NUP93: variants seen among roughly 807,000 people sequenced by gnomAD.
The protein encoded by NUP93 is nucleoporin 93.
A neutral mutation model predicts 107.8 loss-of-function variants in NUP93; 55 were observed. The ratio of observed to expected loss-of-function variants is 0.51; its 90% CI spans 0.41 to 0.64. The LOEUF (loss-of-function observed/expected upper bound fraction) is 0.64, where lower values mean the gene tolerates loss of function less well. Among genes scored for constraint, NUP93 ranks in the 30% least tolerant of loss-of-function variants. NUP93 has a pLI of 0.00. For missense variants in NUP93, 937 were observed against 1,044.7 expected, an observed-to-expected ratio of 0.90 and a Z score of 1.42; for synonymous variants, 390 against 397.5, an observed-to-expected ratio of 0.98 and a Z score of 0.22.
chr16:56,823,922 C>T, intron 8 of NUP93, 76 bp downstream of exon 8: 1 of 1,552,578 alleles, frequency 6.4e-7, no homozygotes, highest in Non-Finnish European at 8.8e-7. Flanking sequence ...TTAAGTTGTC[C>T]TCAGGCTAGG....
rs377578700 is a variant in NUP93 at position 56,838,621 on chromosome 16, A to C, written c.2019-331A>C. 3.9e-5 allele frequency among the ~76,000 whole-genome samples: 6 copies of C among 152,312 alleles called. No homozygotes were observed. The East Asian group carries it at 7.7e-4, about 20-fold the overall frequency. On this transcript the variant is annotated intron_variant, in intron 18 of 21. Transcript: ENST00000308159. ...TATCACCCAGGCTGGAGTGGAGTGC[A>C]GTAGTGCAGTCATAGCTCACTGTAA...
intron 1 of NUP93, among the ~76,000 whole-genome samples, chr16:56,746,667 C>T (rs1404048366): frequency 1.3e-5 from 2 of 152,218 alleles, no homozygotes; most frequent in Non-Finnish European, 2.9e-5. Context: ...GTCCTTTTGA[C>T]AATTAACCTG....
intron 4 of NUP93, 57 bp downstream of exon 4, chr16:56,798,595 T>C: frequency 7.2e-7 from 1 of 1,395,026 alleles, no homozygotes; most frequent in African/African-American, 1.4e-5. Flanking sequence ...GGGCTGGGCG[T>C]GGTGGCTCAC....
At chr16:56,774,622 T>C (rs565811811) in intron 3 of NUP93, among the ~76,000 whole-genome samples, 1 of 152,350 alleles carries the variant, frequency 6.6e-6, no homozygotes, top group Admixed American at 6.5e-5. Flanking sequence ...GTTTTAGAAA[T>C]CATTTGAAAT....
chr16:56,771,802 G>A (rs1456242330), intron 3 of NUP93, among the ~76,000 whole-genome samples: 1 of 152,182 alleles, frequency 6.6e-6, no homozygotes, highest in African/African-American at 2.4e-5. Flanking sequence ...TTGGTGCTGA[G>A]TTTATGCTGT....
chr16:56,749,425 A>G (rs1961879254), intron 2 of NUP93, among the ~76,000 whole-genome samples: 1 of 152,212 alleles, frequency 6.6e-6, no homozygotes. Context: ...GGTTGACTCC[A>G]GAGTGCATAC....
rs879303241 is a variant in NUP93 at position 56,836,293 on chromosome 16, T to C, written c.1783-308T>C. On this transcript the variant is annotated intron_variant, in intron 16 of 21. Coordinates refer to ENST00000308159, the MANE Select transcript of NUP93 (RefSeq NM_014669.5). Reference sequence around the variant, plus strand: ...TTCCTACTTATCAGCAAATTTAAAATCATTGATTTCACTGACTCTCTGGGT... The same window carrying C: ...TTCCTACTTATCAGCAAATTTAAAACCATTGATTTCACTGACTCTCTGGGT... Among the ~76,000 whole-genome samples the C allele has an allele frequency of 5.9e-5, 9 of 152,282 alleles. No homozygotes were observed. The South Asian group carries it at 1.4e-3, about 25-fold the overall frequency.
intron 4 of NUP93, among the ~76,000 whole-genome samples, chr16:56,800,402 T>TA (rs1299487620): frequency 1.3e-5 from 2 of 152,208 alleles, no homozygotes; most frequent in African/African-American, 4.8e-5. Context: ...CAAGCTTTAT[T>TA]AATCCATTTA....
chr16:56,790,027 G>A (rs1282034047), intron 3 of NUP93, among the ~76,000 whole-genome samples: 2 of 152,268 alleles, frequency 1.3e-5, no homozygotes, highest in South Asian at 2.1e-4. Flanking sequence ...AACCTGGGAG[G>A]CAGAGGTTGC....
intron 5 of NUP93, among the ~76,000 whole-genome samples, chr16:56,812,107 TAAG>T (rs1488513337): frequency 5.9e-5 from 9 of 152,168 alleles, no homozygotes; most frequent in African/African-American, 2.2e-4. Flanking sequence ...CAGAGTCAGT[TAAG>T]AAGACAGCTT....
intron 2 of NUP93, among the ~76,000 whole-genome samples, chr16:56,749,259 A>G (rs1337345561): frequency 6.6e-6 from 1 of 152,248 alleles, no homozygotes; most frequent in Non-Finnish European, 1.5e-5. Flanking sequence ...TGTGTGTTAC[A>G]AGCTTGGCTA....
chr16:56,781,879 T>G (rs1596794787), intron 3 of NUP93: 1 of 985,366 alleles, frequency 1.0e-6, no homozygotes, highest in East Asian at 1.1e-4. Flanking sequence ...TTCTCTGAAT[T>G]TGTGTAGCGC....
intron 6 of NUP93, among the ~76,000 whole-genome samples, chr16:56,820,670 C>T (rs1963524889): frequency 1.3e-5 from 2 of 152,136 alleles, no homozygotes. Context: ...TGATGTTCCC[C>T]CATTTAATGT....
intron 3 of NUP93, among the ~76,000 whole-genome samples, chr16:56,760,118 T>C (rs1962096538): frequency 6.6e-6 from 1 of 152,198 alleles, no homozygotes; most frequent in South Asian, 2.1e-4. Context: ...TTTCTAACAA[T>C]ATATGCTTAG....
chr16:56,758,615 C>T lies in NUP93; in HGVS notation c.257C>T (p.Thr86Ile), dbSNP rs1567378326. Reference protein sequence around the residue: ...QRLESLSAATTFEPLEPVKDT... With the variant: ...QRLESLSAATIFEPLEPVKDT... ...TTGGAGAGTCTGAGTGCAGCCACCA[C>T]CTTTGAGCCTCTTGAGCCTGTGAAG... is the stretch of plus-strand genomic sequence containing the variant. The change falls in exon 3 of 22, where the codon ACC becomes ATC. Residue 86 changes from threonine to isoleucine, a missense_variant. Thr to Ile is a moderately conservative substitution (Grantham distance 89). Transcript: ENST00000308159. The T allele has an allele frequency of 6.8e-6, 11 of 1,613,880 alleles. No individual in the cohort carries two copies. Among genetic ancestry groups the T allele is most frequent in the South Asian group, 5.5e-5 (5 of 91,070 alleles).
intron 5 of NUP93, among the ~76,000 whole-genome samples, chr16:56,810,466 A>G (rs991925747): frequency 2.0e-5 from 3 of 152,106 alleles, no homozygotes; most frequent in Non-Finnish European, 4.4e-5. Flanking sequence ...CCGTCTCTAC[A>G]AAAAGAATTT....
intron 4 of NUP93, among the ~76,000 whole-genome samples, chr16:56,800,270 C>G (rs552504807): frequency 6.6e-6 from 1 of 152,294 alleles, no homozygotes; most frequent in East Asian, 1.9e-4. Context: ...TCACTTGATT[C>G]AGATCTGAAA....
At chr16:56,839,981 A>G (rs1006505497) in intron 20 of NUP93, 2 of 191,078 alleles carry the variant, frequency 1.0e-5, no homozygotes, top group Non-Finnish European at 2.2e-5. Context: ...GAAACACATC[A>G]TGATTCACTG....
chr16:56,809,329 C>G (rs1405800279), intron 5 of NUP93, among the ~76,000 whole-genome samples: 1 of 152,142 alleles, frequency 6.6e-6, no homozygotes, highest in Non-Finnish European at 1.5e-5. Flanking sequence ...CCTTCAGGGT[C>G]TTTACTGATT....
Sources: allele counts gnomAD v4.1 joint callset (sites outside exome capture counted in the v4.1 genomes callset), GRCh38; gene constraint gnomAD v4.1.1; transcripts MANE v1.5; gene names NCBI Gene and HGNC (gene_info 2026-07-23, HGNC 2026-07-21).